WDR3: variants seen among roughly 807,000 people sequenced by gnomAD.
The protein encoded by WDR3 is WD repeat-containing protein 3.
A neutral mutation model predicts 123.7 loss-of-function variants in WDR3; 81 were observed. The observed-to-expected ratio is 0.65, with a 90% CI of 0.55 to 0.79. WDR3 has a LOEUF of 0.79. Among genes scored for constraint, WDR3 ranks in the 30% least tolerant of loss-of-function variants. WDR3 has a pLI of 0.00. For missense variants in WDR3, 1,027 were observed against 1,123.2 expected (o/e 0.91, Z 1.22); for synonymous variants, 390 against 388.8 (o/e 1.00, Z -0.04).
intron 23 of WDR3, chr1:117,954,977 AAG>A: frequency 5.2e-6 from 2 of 382,812 alleles, no homozygotes; most frequent in Non-Finnish European, 9.3e-6. Flanking sequence ...TGAGATAAAG[AAG>A]AGAGAGAGGG....
At chr1:117,934,401 G>C in intron 2 of WDR3, 72 bp from the exon 3 acceptor site, 1 of 1,443,144 alleles carries the variant, frequency 6.9e-7, no homozygotes, top group South Asian at 1.2e-5. Flanking sequence ...TACTGTGCCT[G>C]AGTATTCCTA....
At position 117,935,574 on chromosome 1, in the gene WDR3, T is replaced by C. The variant is rs1322689615; in HGVS notation, c.381+892T>C. On this transcript the variant is annotated intron_variant, in intron 3 of 26. Transcript: ENST00000349139. Reference sequence around the variant, plus strand: ...TTTTAATAAGTAGAAAAATGATAGATTACTTATAAAACAGTCCTTAGACAA... The same window carrying C: ...TTTTAATAAGTAGAAAAATGATAGACTACTTATAAAACAGTCCTTAGACAA... Among the ~76,000 whole-genome samples, 5 of 152,124 alleles carry C rather than the reference T, an allele frequency of 3.3e-5. No individual in the cohort carries two copies. In the East Asian group the frequency reaches 9.6e-4, roughly 29 times the overall value.
Position 117,957,169 on chromosome 1 carries a change from T to G in WDR3, c.2555T>G (p.Ile852Arg), listed in dbSNP as rs199890965. ...FIQLGSDVEL[I>R]CRCLFFLLRI... ...CAGCTGGGCTCTGATGTTGAACTTA[T>G]ATGCCGGTGCCTCTTCTTCCTCCTT... The change falls in exon 25 of 27, where the codon ATA becomes AGA. Residue 852 changes from isoleucine to arginine, a missense_variant. Transcript: ENST00000349139. 3 of 1,612,364 alleles carry G rather than the reference T, an allele frequency of 1.9e-6. No individual in the cohort carries two copies. Among genetic ancestry groups the G allele is most frequent in the Non-Finnish European group, 1.7e-6 (2 of 1,179,372 alleles).
chr1:117,948,466 A>T lies in WDR3; in HGVS notation c.1484A>T (p.His495Leu). The change falls in exon 13 of 27, where the codon CAT (histidine) becomes CTT (leucine). Residue 495 changes from histidine (H) to leucine (L), a missense_variant. Physicochemically the swap from His to Leu is moderately conservative, Grantham distance 99 (BLOSUM62 -3). Transcript: ENST00000349139. ...SGNLLETIDA[H>L]DGALWSMSLS... is the part of the protein sequence containing the mutation. The stretch of plus-strand genomic sequence containing the variant: ...AATCTGCTGGAGACAATAGATGCAC[A>T]TGATGGAGCTTTGTGGTCCATGTCC... 1.2e-6 allele frequency: 2 copies of T among 1,614,080 alleles called. No individual in the cohort carries two copies. Among genetic ancestry groups the T allele is most frequent in the Non-Finnish European group, 1.7e-6 (2 of 1,179,962 alleles).
chr1:117,934,539 T>G lies in WDR3; in HGVS notation c.238T>G (p.Leu80Val), dbSNP rs765863042. ...CLCPSPDGLHLAVGYEDGSIR... is the reference protein window; with the variant it reads ...CLCPSPDGLHVAVGYEDGSIR... ...ATGCCCCTCCCCAGATGGGCTACAC[T>G]TAGCTGTTGGGTATGAGGATGGGTC... is the stretch of plus-strand genomic sequence containing the variant. Residue 80 changes from leucine to valine, a missense_variant, in exon 3 of 27, where the codon TTA becomes GTA. Transcript: ENST00000349139. 12 of 1,614,072 alleles carry G rather than the reference T, an allele frequency of 7.4e-6. 1 individual carries two copies. The South Asian group carries it at 1.3e-4, about 18-fold the overall frequency.
Position 117,936,784 on chromosome 1 carries a change from G to T in WDR3, c.397G>T (p.Val133Leu). 1 of 1,611,620 alleles carries T rather than the reference G, an allele frequency of 6.2e-7. No homozygotes were observed. Among genetic ancestry groups the T allele is most frequent in the African/African-American group, 1.3e-5 (1 of 74,956 alleles). ...ATCCCTTTAGGACACAGATATTATTGTATGGGATGTGATCAATGAAAGTGG... is the reference window on the plus strand; with the variant it reads ...ATCCCTTTAGGACACAGATATTATTTTATGGGATGTGATCAATGAAAGTGG... Reference protein sequence around the residue: ...ASGSKDTDIIVWDVINESGLY... With the variant: ...ASGSKDTDIILWDVINESGLY... The change falls in exon 4 of 27, where the codon GTA becomes TTA. Residue 133 changes from valine to leucine, a missense_variant. Val to Leu is a conservative substitution (Grantham distance 32). Coordinates refer to ENST00000349139, the MANE Select transcript of WDR3 (RefSeq NM_006784.3).
intron 22 of WDR3, 123 bp downstream of exon 22, chr1:117,954,222 C>T (rs1202480137): frequency 1.2e-6 from 1 of 808,092 alleles, no homozygotes; most frequent in East Asian, 2.6e-5. Flanking sequence ...ATCTTTCCAA[C>T]TCACTATATT....
chr1:117,947,205 T>C (rs1651441537), intron 12 of WDR3, among the ~76,000 whole-genome samples: 1 of 152,192 alleles, frequency 6.6e-6, no homozygotes, highest in Admixed American at 6.5e-5. Context: ...CTGCAGCGAA[T>C]AGCTAATCGA....
intron 20 of WDR3, among the ~76,000 whole-genome samples, chr1:117,953,261 ATAAAAAT>A (rs1651717065): frequency 6.6e-6 from 1 of 152,200 alleles, no homozygotes; most frequent in Non-Finnish European, 1.5e-5. Context: ...TAGCACAAAA[ATAAAAAT>A]TAGAAAATTT....
At position 117,959,284 on chromosome 1, in the gene WDR3, C is replaced by T. The variant is rs1270489169; in HGVS notation, c.2677-8C>T. ...AAATTTTTTAATATTTCTTGTATTGCACTCCAGGATGTTATCGGCTTCAAT... is the reference window on the plus strand; with the variant it reads ...AAATTTTTTAATATTTCTTGTATTGTACTCCAGGATGTTATCGGCTTCAAT... On this transcript the variant is annotated splice_region_variant and splice_polypyrimidine_tract_variant and intron_variant, in intron 26 of 26. Transcript: ENST00000349139. 5.0e-6 allele frequency: 8 copies of T among 1,605,742 alleles called. No individual in the cohort carries two copies. The East Asian group carries it at 8.9e-5, about 18-fold the overall frequency.
chr1:117,951,006 T>C (rs1309994762), intron 16 of WDR3, 116 bp downstream of exon 16: 6 of 749,224 alleles, frequency 8.0e-6, no homozygotes, highest in Non-Finnish European at 1.1e-5. Flanking sequence ...CATTCTGTTA[T>C]ATATCTTTCT....
At chr1:117,958,144 A>G (rs74114934) in intron 25 of WDR3, among the ~76,000 whole-genome samples, 1 of 152,172 alleles carries the variant, frequency 6.6e-6, no homozygotes. Flanking sequence ...GCCAATGCCA[A>G]ATAGTTAAAC....
chr1:117,933,641 C>T (rs1650814610), intron 2 of WDR3, 151 bp downstream of exon 2: 1 of 946,904 alleles, frequency 1.1e-6, no homozygotes, highest in Non-Finnish European at 1.6e-6. Flanking sequence ...TCTAGCTAGC[C>T]AAGCATCAAG....
chr1:117,930,496 G>T (rs1650673555), intron 1 of WDR3, among the ~76,000 whole-genome samples: 1 of 152,216 alleles, frequency 6.6e-6, no homozygotes, highest in Admixed American at 6.5e-5. Flanking sequence ...GAGAAATACG[G>T]GGGTTAGATA....
In WDR3 at chr1:117,954,567, A is replaced by C; in HGVS notation, c.2362-13A>C. On this transcript the variant is annotated splice_polypyrimidine_tract_variant and intron_variant, in intron 22 of 26. Transcript: ENST00000349139. The stretch of plus-strand genomic sequence containing the variant: ...AGTTTTTTTAATGACTTGATTTAAT[A>C]ATTTCTTCATAGGTTCCACTTCCCA... The C allele has an allele frequency of 6.2e-7, 1 of 1,611,764 alleles. No individual in the cohort carries two copies. The highest frequency in any genetic ancestry group is 8.5e-7 in the Non-Finnish European group (1 of 1,178,674).
chr1:117,959,460 G>A lies in WDR3; in HGVS notation c.*13G>A. 1.3e-6 allele frequency: 2 copies of A among 1,578,834 alleles called. No individual in the cohort carries two copies. Among genetic ancestry groups the A allele is most frequent in the Non-Finnish European group, 1.7e-6 (2 of 1,166,220 alleles). ...AACGTTGACTTAGAACTGAAATGTGGTATCTTTTTTTTTTTCAACTTTTTC... is the reference window on the plus strand; with the variant it reads ...AACGTTGACTTAGAACTGAAATGTGATATCTTTTTTTTTTTCAACTTTTTC... On this transcript the variant is annotated 3_prime_UTR_variant, in exon 27 of 27. Coordinates refer to ENST00000349139, the MANE Select transcript of WDR3 (RefSeq NM_006784.3).
chr1:117,960,697 TCAGTAACATACTGTGTATTA>T lies in WDR3; in HGVS notation c.*1255_*1274del, dbSNP rs967342942. Reference sequence around the variant, plus strand: ...AACAGGAGGTGGCTGTGAAATTATTTCAGTAACATACTGTGTATTACAGTTCATTTTATGCAGCTATGATT... The same window carrying T: ...AACAGGAGGTGGCTGTGAAATTATTTCAGTTCATTTTATGCAGCTATGATT... On this transcript the variant is annotated 3_prime_UTR_variant, in exon 27 of 27. Transcript: ENST00000349139. 7 of 152,246 alleles carry T rather than the reference TCAGTAACATACTGTGTATTA, an allele frequency of 4.6e-5. No homozygotes were observed. The highest frequency in any genetic ancestry group is 1.7e-4 in the African/African-American group (7 of 41,468). The allele number at this position is 152,246 out of a possible 1,614,324, so 9.4% of individuals were successfully genotyped here.
intron 19 of WDR3, 104 bp from the exon 20 acceptor site, chr1:117,952,842 A>C (rs1651681033): frequency 6.9e-7 from 1 of 1,444,734 alleles, no homozygotes; most frequent in African/African-American, 1.4e-5. Context: ...AGATGCCATT[A>C]GGGTATTATG....
At position 117,954,060 on chromosome 1, in the gene WDR3, G is replaced by T; in HGVS notation, c.2322G>T (p.Met774Ile). The change falls in exon 22 of 27, where the codon ATG becomes ATT. Residue 774 changes from methionine to isoleucine, a missense_variant. Coordinates refer to ENST00000349139, the MANE Select transcript of WDR3 (RefSeq NM_006784.3). ...TGTACCGAGAAGAAACTGCAAAAAT[G>T]AAGGAACACAAAGCCATTTGTAAAG... ...IELYREETAK[M>I]KEHKAICKAA... 1 of 1,612,514 alleles carries T rather than the reference G, an allele frequency of 6.2e-7. No individual in the cohort carries two copies. The highest frequency in any genetic ancestry group is 8.5e-7 in the Non-Finnish European group (1 of 1,178,912).
Sources: gnomAD v4.1 joint callset for allele counts (sites outside exome capture counted in the v4.1 genomes callset) on GRCh38, gnomAD v4.1.1 for gene constraint, MANE v1.5 for transcripts, NCBI Gene and HGNC (gene_info 2026-07-23, HGNC 2026-07-21) for gene names.